Variants in NEGR1 observed in about 807,000 individuals in gnomAD.
NEGR1 encodes the protein neuronal growth regulator 1, also known as IgLON family member 4.
Under a neutral mutation model 40.9 loss-of-function variants are expected in NEGR1, and 10 were observed. The ratio of observed to expected loss-of-function variants is 0.24; its 90% CI spans 0.15 to 0.42. The LOEUF is 0.42. NEGR1 is among the 10% of genes least tolerant of loss of function. The pLI, the probability that NEGR1 is intolerant of heterozygous loss-of-function variation, is 1.00. For synonymous variants in NEGR1, 185 were observed against 166.8 expected (o/e 1.11, Z -0.84); for missense variants, 352 against 438.9 (o/e 0.80, Z 1.77).
chr1:71,996,854 T>C (rs1646508888), intron 1 of NEGR1, among the ~76,000 whole-genome samples: 1 of 152,120 alleles, frequency 6.6e-6, no homozygotes, highest in Admixed American at 6.5e-5. Context: ...AAGTTACCAA[T>C]GATCTCTCAA....
At chr1:72,082,997 A>G (rs1648066827) in intron 1 of NEGR1, among the ~76,000 whole-genome samples, 1 of 152,082 alleles carries the variant, frequency 6.6e-6, no homozygotes, top group South Asian at 2.1e-4. Flanking sequence ...TGTAGCAATT[A>G]TTTTATCTAA....
intron 1 of NEGR1, among the ~76,000 whole-genome samples, chr1:72,026,065 C>G (rs887574953): frequency 4.4e-5 from 6 of 137,330 alleles, no homozygotes; most frequent in East Asian, 2.2e-4. Context: ...GAGCCGAGAT[C>G]CCGCCACTGC....
intron 6 of NEGR1, 136 bp downstream of exon 6, chr1:71,592,681 T>C (rs1416795933): frequency 1.6e-6 from 1 of 621,086 alleles, no homozygotes; most frequent in African/African-American, 1.8e-5. Flanking sequence ...TGTGTAAGGA[T>C]TGCGTGATGT....
intron 6 of NEGR1, among the ~76,000 whole-genome samples, chr1:71,581,938 A>G (rs571834096): frequency 5.3e-4 from 80 of 152,224 alleles, no homozygotes; most frequent in African/African-American, 1.9e-3. Flanking sequence ...TCCTGGGCTC[A>G]AGCAATCCAT....
chr1:71,728,792 C>T (rs911002720), intron 3 of NEGR1, among the ~76,000 whole-genome samples: 5 of 152,040 alleles, frequency 3.3e-5, no homozygotes, highest in Admixed American at 6.6e-5. Flanking sequence ...TGCTCATTAG[C>T]GTAAGTTTTC....
chr1:71,993,549 T>G (rs933715133), intron 1 of NEGR1, among the ~76,000 whole-genome samples: 9 of 152,300 alleles, frequency 5.9e-5, no homozygotes, highest in African/African-American at 1.9e-4. Context: ...CTGAATTGTT[T>G]TATTAAAATT....
intron 6 of NEGR1, among the ~76,000 whole-genome samples, chr1:71,484,253 G>GT: frequency 6.6e-6 from 1 of 151,564 alleles, no homozygotes; most frequent in East Asian, 2.0e-4. Flanking sequence ...CCAGCTGGAT[G>GT]TTAACCTCTG....
At chr1:71,643,415 G>A (rs1033466115) in intron 4 of NEGR1, among the ~76,000 whole-genome samples, 12 of 151,866 alleles carry the variant, frequency 7.9e-5, no homozygotes, top group Non-Finnish European at 1.5e-4. Flanking sequence ...AGTTAAATAT[G>A]GGAAGACATT....
intron 6 of NEGR1, among the ~76,000 whole-genome samples, chr1:71,508,020 G>A (rs908439130): frequency 5.9e-5 from 9 of 152,116 alleles, no homozygotes; most frequent in African/African-American, 2.2e-4. Context: ...CAGTTGGGCA[G>A]AGCTACAAAT....
At chr1:71,665,963 T>G (rs1167197908) in intron 4 of NEGR1, among the ~76,000 whole-genome samples, 1 of 152,114 alleles carries the variant, frequency 6.6e-6, no homozygotes, top group Non-Finnish European at 1.5e-5. Context: ...AATGAGTAAA[T>G]GTGTTTATTT....
At chr1:71,689,372 T>A (rs1653175618) in intron 4 of NEGR1, among the ~76,000 whole-genome samples, 1 of 152,172 alleles carries the variant, frequency 6.6e-6, no homozygotes, top group Non-Finnish European at 1.5e-5. Context: ...AGAGAGTGAT[T>A]CCCTCATTTT....
Position 71,407,497 on chromosome 1 carries a change from T to C in NEGR1, c.1014A>G (p.Thr338=), listed in dbSNP as rs1646285562. Residue 338 remains threonine (T), a synonymous_variant, in exon 7 of 7, where the codon ACA becomes ACG. Coordinates refer to ENST00000357731, the MANE Select transcript of NEGR1 (RefSeq NM_173808.3). ...AGAATATGCTGGTGAAAGAGGACAG[T>C]GTCAACACAAGGTACCAGCAGGAGA... ...VLFSCWYLVL[T]LSSFTSIFYL... 6.2e-7 allele frequency: 1 copy of C among 1,611,700 alleles called. No homozygotes were observed. The highest frequency in any genetic ancestry group is 1.3e-5 in the African/African-American group (1 of 74,802).
intron 6 of NEGR1, among the ~76,000 whole-genome samples, chr1:71,502,341 G>T (rs777113162): frequency 3.9e-5 from 6 of 152,102 alleles, no homozygotes; most frequent in African/African-American, 1.4e-4. Flanking sequence ...CATAGTACTC[G>T]ACCAATGAGG....
chr1:72,263,324 T>G (rs1370665159), intron 1 of NEGR1, among the ~76,000 whole-genome samples: 1 of 151,664 alleles, frequency 6.6e-6, no homozygotes, highest in East Asian at 1.9e-4. Flanking sequence ...ACTTACATGC[T>G]GTAGGCATCA....
At chr1:72,115,400 C>G (rs924156922) in intron 1 of NEGR1, among the ~76,000 whole-genome samples, 1 of 151,632 alleles carries the variant, frequency 6.6e-6, no homozygotes, top group African/African-American at 2.4e-5. Flanking sequence ...TTATATCTCT[C>G]TTTTTAATCC....
At chr1:71,839,395 G>A (rs1488475134) in intron 2 of NEGR1, among the ~76,000 whole-genome samples, 7 of 150,678 alleles carry the variant, frequency 4.6e-5, no homozygotes, top group Non-Finnish European at 8.9e-5. Context: ...TTTTTTAGTA[G>A]AGATGGGGTT....
intron 3 of NEGR1, among the ~76,000 whole-genome samples, chr1:71,723,980 AG>A (rs1654592468): frequency 6.6e-6 from 1 of 152,064 alleles, no homozygotes. Flanking sequence ...TGGTGTCAAG[AG>A]GGAAAAAAAA....
intron 1 of NEGR1, among the ~76,000 whole-genome samples, chr1:72,145,405 G>T (rs1401594820): frequency 1.3e-5 from 2 of 152,088 alleles, no homozygotes; most frequent in African/African-American, 4.8e-5. Context: ...CAGCATTTTT[G>T]TTACTTGTGA....
chr1:71,834,674 T>C (rs959374456), intron 2 of NEGR1, among the ~76,000 whole-genome samples: 1 of 152,066 alleles, frequency 6.6e-6, no homozygotes, highest in African/African-American at 2.4e-5. Flanking sequence ...GGCCAATTCC[T>C]ACTGATTGTG....
Sources: gnomAD v4.1 joint callset for allele counts (sites outside exome capture counted in the v4.1 genomes callset) on GRCh38, gnomAD v4.1.1 for gene constraint, MANE v1.5 for transcripts, NCBI Gene and HGNC (gene_info 2026-07-23, HGNC 2026-07-21) for gene names.